Variants in NMNAT1 observed in about 807,000 individuals in gnomAD.
NMNAT1 encodes nicotinamide nucleotide adenylyltransferase 1.
A neutral mutation model predicts 16.7 loss-of-function variants in NMNAT1; 11 were observed. The ratio of observed to expected loss-of-function variants is 0.66; its 90% CI spans 0.41 to 1.09. The LOEUF is 1.09. NMNAT1 is among the 50% of genes least tolerant of loss of function. The pLI is 0.00. For synonymous variants in NMNAT1, 110 were observed against 119.8 expected (o/e 0.92, Z 0.53); for missense variants, 280 against 332.3 (o/e 0.84, Z 1.22).
At chr1:9,973,998 C>G (rs112684487) in intron 2 of NMNAT1, among the ~76,000 whole-genome samples, 1 of 151,800 alleles carries the variant, frequency 6.6e-6, no homozygotes, top group Non-Finnish European at 1.5e-5. Context: ...GCACCATGCC[C>G]GGCCCATTTT....
At chr1:9,954,586 A>C (rs1159330327) in intron 1 of NMNAT1, among the ~76,000 whole-genome samples, 2 of 152,158 alleles carry the variant, frequency 1.3e-5, no homozygotes, top group Non-Finnish European at 2.9e-5. Context: ...ATGACTATTT[A>C]TTGAATGAAA....
At chr1:9,975,543 A>C (rs368676862) in intron 2 of NMNAT1, 49 bp from the exon 3 acceptor site, 1 of 1,341,354 alleles carries the variant, frequency 7.5e-7, no homozygotes, top group Non-Finnish European at 1.0e-6. Flanking sequence ...TTTCCTGTGC[A>C]TAAAGTCTAA....
chr1:9,983,233 T>G lies in NMNAT1; in HGVS notation c.*532T>G, dbSNP rs754507031. The G allele has an allele frequency of 1.3e-5, 2 of 152,178 alleles. No individual in the cohort carries two copies. The highest frequency in any genetic ancestry group is 2.4e-5 in the African/African-American group (1 of 41,360). 9.4% of individuals were successfully genotyped at this position (152,178 alleles called of 1,614,324 possible). On this transcript the variant is annotated 3_prime_UTR_variant, in exon 5 of 5. Transcript: ENST00000377205. ...AGCCAGGCATGGTGCCGCATAACTA[T>G]AATCCCAGCTACTTGGGAGGCTGAG...
At chr1:9,996,459 TCTC>T in the NMNAT1 span, among the ~76,000 whole-genome samples, 32 of 152,278 alleles carry the variant, frequency 2.1e-4, no homozygotes, top group East Asian at 6.2e-3. Context: ...TCCCACCCCT[TCTC>T]CTTTGCTTTT....
chr1:9,974,513 G>A (rs1178737629), intron 2 of NMNAT1, among the ~76,000 whole-genome samples: 2 of 151,324 alleles, frequency 1.3e-5, no homozygotes, highest in African/African-American at 4.9e-5. Flanking sequence ...CTCAGCCTCC[G>A]GAGTAGCTGG....
the NMNAT1 span, among the ~76,000 whole-genome samples, chr1:9,992,723 A>T: frequency 6.6e-6 from 1 of 152,018 alleles, no homozygotes; most frequent in East Asian, 2.0e-4. Flanking sequence ...CTTCCTGGCT[A>T]ACACAGTGAA....
At chr1:9,958,305 T>C (rs1260109488) in intron 1 of NMNAT1, among the ~76,000 whole-genome samples, 1 of 152,212 alleles carries the variant, frequency 6.6e-6, no homozygotes, top group Non-Finnish European at 1.5e-5. Context: ...AGATGGTGTT[T>C]CTGATTGAAT....
At chr1:9,943,432 G>C (rs887161905), upstream of NMNAT1, 6 of 152,264 alleles carry the variant, frequency 3.9e-5, no homozygotes, top group Admixed American at 2.6e-4. Flanking sequence ...ACCAATGAGA[G>C]TGCGACCGAG....
chr1:9,982,387 C>T lies in NMNAT1; in HGVS notation c.526C>T (p.Gln176Ter), dbSNP rs1403587946. The change falls in exon 5 of 5, where the codon CAA becomes TAA. Residue 176 changes from glutamine to a stop codon, truncating the protein, a stop_gained. Transcript: ENST00000377205. LOFTEE classifies it high-confidence loss of function. ...PNLWKSEDIT[Q>*]IVANYGLICV... ...TTTGTGGAAGAGTGAAGACATCACC[C>T]AAATCGTGGCCAACTATGGGCTCAT... 1.9e-6 allele frequency: 3 copies of T among 1,613,934 alleles called. No homozygotes were observed. The highest frequency in any genetic ancestry group is 1.3e-5 in the African/African-American group (1 of 74,898).
chr1:9,980,366 C>A (rs1641913665), intron 3 of NMNAT1, among the ~76,000 whole-genome samples: 1 of 151,742 alleles, frequency 6.6e-6, no homozygotes, highest in Non-Finnish European at 1.5e-5. Context: ...CACCTATAAT[C>A]CCAGCACTTT....
chr1:9,994,284 T>C, the NMNAT1 span, among the ~76,000 whole-genome samples: 1 of 151,090 alleles, frequency 6.6e-6, no homozygotes, highest in East Asian at 2.0e-4. Context: ...CTAACTTTTG[T>C]ATTTTTTTAG....
chr1:9,972,970 A>C (rs1641722016), intron 2 of NMNAT1, among the ~76,000 whole-genome samples: 1 of 152,024 alleles, frequency 6.6e-6, no homozygotes, highest in Non-Finnish European at 1.5e-5. Flanking sequence ...ACCCCTCCCC[A>C]AAAAAAGGAA....
the NMNAT1 span, among the ~76,000 whole-genome samples, chr1:9,993,131 C>A: frequency 1.3e-5 from 2 of 151,956 alleles, no homozygotes; most frequent in Non-Finnish European, 2.9e-5. Flanking sequence ...GGAGCCAAAC[C>A]AGGAAGGACT....
intron 1 of NMNAT1, among the ~76,000 whole-genome samples, chr1:9,957,292 G>A (rs1641286070): frequency 6.6e-6 from 1 of 152,126 alleles, no homozygotes; most frequent in East Asian, 1.9e-4. Flanking sequence ...GCCTCCCAAA[G>A]TGCTGGGATT....
intron 1 of NMNAT1, chr1:9,950,687 AAGT>A (rs1641087235): frequency 6.6e-6 from 1 of 152,244 alleles, no homozygotes; most frequent in East Asian, 1.9e-4. Flanking sequence ...AATGCAGTGG[AAGT>A]AACGTGAGAA....
intron 1 of NMNAT1, among the ~76,000 whole-genome samples, chr1:9,944,285 C>T (rs373916430): frequency 6.2e-4 from 94 of 152,072 alleles, no homozygotes; most frequent in African/African-American, 2.2e-3. Context: ...TTACCCTTGG[C>T]TGTCGCGGTG....
chr1:9,991,528 T>C, the NMNAT1 span, among the ~76,000 whole-genome samples: 4 of 152,138 alleles, frequency 2.6e-5, no homozygotes, highest in East Asian at 7.7e-4. Flanking sequence ...GGCAAGGTGA[T>C]GTCACTCTGG....
rs1190519667 is a variant in NMNAT1, at chr1:9,968,359, G to A, written c.-56-3659G>A. Reference sequence around the variant, plus strand: ...AGTGCTGGGATTACAGGCGTGAGCCGCCGCGCCTGGCCTGCCAAATGTAGT... The same window carrying A: ...AGTGCTGGGATTACAGGCGTGAGCCACCGCGCCTGGCCTGCCAAATGTAGT... On this transcript the variant is annotated intron_variant, in intron 1 of 4. Coordinates refer to ENST00000377205, the MANE Select transcript of NMNAT1 (RefSeq NM_022787.4). 2.6e-5 allele frequency among the ~76,000 whole-genome samples: 4 copies of A among 151,084 alleles called. No individual in the cohort carries two copies. The East Asian group carries it at 6.0e-4, about 23-fold the overall frequency.
downstream of NMNAT1, among the ~76,000 whole-genome samples, chr1:9,987,033 C>G (rs977044312): frequency 2.6e-5 from 4 of 151,504 alleles, no homozygotes; most frequent in East Asian, 7.8e-4. Context: ...CCTGTCTCTA[C>G]TAAAAATACA....
Sources: allele counts gnomAD v4.1 joint callset (sites outside exome capture counted in the v4.1 genomes callset), GRCh38; gene constraint gnomAD v4.1.1; transcripts MANE v1.5; gene names NCBI Gene and HGNC (gene_info 2026-07-23, HGNC 2026-07-21).